The following QTGAL variants were observed in gnomAD, a reference collection of about 807,000 sequenced individuals.
QTGAL encodes queuosine-tRNA galactosyltransferase, also known as BGnT-like protein 1.
chr17:82,995,539 C>A, the QTGAL span, among the ~76,000 whole-genome samples: 1 of 152,038 alleles, frequency 6.6e-6, no homozygotes, highest in Admixed American at 6.6e-5. Flanking sequence ...TGTGCCACCA[C>A]GCCTGGCTAA....
chr17:82,985,053 C>T, the QTGAL span, among the ~76,000 whole-genome samples: 2 of 152,328 alleles, frequency 1.3e-5, no homozygotes, highest in African/African-American at 4.8e-5. Flanking sequence ...GGAGATGCAG[C>T]CCCCTGGGGA....
At chr17:83,005,935 T>C in the QTGAL span, 16 of 1,235,592 alleles carry the variant, frequency 1.3e-5, no homozygotes, top group Non-Finnish European at 1.6e-5. The surrounding 1 kb of genome is among the most constrained non-coding windows in gnomAD (Gnocchi z 5.6). Flanking sequence ...GTTCTGCTCC[T>C]GAGATCCAGA....
the QTGAL span, chr17:82,957,568 T>C: frequency 6.7e-7 from 1 of 1,501,646 alleles, no homozygotes; most frequent in Non-Finnish European, 9.0e-7. Flanking sequence ...TACAGGGACA[T>C]GATGTGTGCT....
At chr17:83,044,403 T>C in the QTGAL span, among the ~76,000 whole-genome samples, 1 of 152,164 alleles carries the variant, frequency 6.6e-6, no homozygotes, top group Non-Finnish European at 1.5e-5. Flanking sequence ...CATCTCAAAT[T>C]GGTGTCAAAA....
At chr17:82,953,020 A>C in the QTGAL span, among the ~76,000 whole-genome samples, 1 of 152,234 alleles carries the variant, frequency 6.6e-6, no homozygotes, top group African/African-American at 2.4e-5. Context: ...AACGTACCAG[A>C]ATCCCTGGGA....
chr17:83,048,703 G>A, the QTGAL span: 333 of 1,614,052 alleles, frequency 2.1e-4, 2 homozygotes, highest in Non-Finnish European at 1.7e-4. Flanking sequence ...CAGCTCCATG[G>A]TACCTTCAAA....
the QTGAL span, among the ~76,000 whole-genome samples, chr17:82,991,451 C>T: frequency 3.3e-4 from 51 of 152,274 alleles, no homozygotes; most frequent in Middle Eastern, 3.4e-3. Flanking sequence ...CTTTGCCTGT[C>T]GCCATCCACG....
chr17:83,033,778 TC>T, the QTGAL span, among the ~76,000 whole-genome samples: 1 of 151,732 alleles, frequency 6.6e-6, no homozygotes, highest in African/African-American at 2.4e-5. Flanking sequence ...GCCTAAGTTA[TC>T]TACATTTTTA....
chr17:82,969,479 G>C, the QTGAL span, among the ~76,000 whole-genome samples: 59 of 152,130 alleles, frequency 3.9e-4, 1 homozygote, highest in East Asian at 9.0e-3. Context: ...AAAGTGCTGG[G>C]ATTACAGGCG....
At chr17:83,005,640 C>A in the QTGAL span, 3 of 703,426 alleles carry the variant, frequency 4.3e-6, no homozygotes, top group East Asian at 5.4e-5. The surrounding 1 kb of genome is among the most constrained non-coding windows in gnomAD (Gnocchi z 5.6). Context: ...CCCGTCTGAA[C>A]CTGCTCCATT....
chr17:82,971,151 C>A, the QTGAL span, among the ~76,000 whole-genome samples: 4 of 152,208 alleles, frequency 2.6e-5, no homozygotes, highest in African/African-American at 9.6e-5. Context: ...TTCACGGGGA[C>A]AAACCACATC....
At chr17:83,039,482 G>A in the QTGAL span, among the ~76,000 whole-genome samples, 14 of 116,770 alleles carry the variant, frequency 1.2e-4, no homozygotes, top group East Asian at 2.5e-4. Context: ...GGCGCCCGCC[G>A]CCCGCCCCTG....
the QTGAL span, among the ~76,000 whole-genome samples, chr17:83,016,614 G>C: frequency 6.8e-6 from 1 of 146,976 alleles, no homozygotes; most frequent in African/African-American, 2.5e-5. Context: ...TGAAGAGGAG[G>C]GGGGAGGAGG....
At chr17:82,945,930 T>C in the QTGAL span, 1 of 152,240 alleles carries the variant, frequency 6.6e-6, no homozygotes, top group Non-Finnish European at 1.5e-5. Context: ...ATGGCTTATA[T>C]GTGGATTTTT....
At chr17:83,005,452 T>C in the QTGAL span, 48 of 632,538 alleles carry the variant, frequency 7.6e-5, no homozygotes, top group Admixed American at 1.8e-4. This position sits in a 1 kb window ranked among gnomAD's most constrained non-coding sequence, Gnocchi z 5.6. Flanking sequence ...TGGACGCGCA[T>C]CTCGGCGGTG....
the QTGAL span, among the ~76,000 whole-genome samples, chr17:83,024,507 G>A: frequency 1.2e-4 from 19 of 152,360 alleles, no homozygotes; most frequent in Middle Eastern, 3.4e-3. Context: ...GGTGGGTTGC[G>A]TGTGGGGCCT....
the QTGAL span, among the ~76,000 whole-genome samples, chr17:83,037,761 C>T: frequency 6.6e-6 from 1 of 152,200 alleles, no homozygotes; most frequent in Non-Finnish European, 1.5e-5. The surrounding 1 kb of genome is among the most constrained non-coding windows in gnomAD (Gnocchi z 5.2). Flanking sequence ...GAAGGGTATC[C>T]GTGAGCCTGG....
chr17:83,008,749 C>G, the QTGAL span, among the ~76,000 whole-genome samples: 5 of 152,236 alleles, frequency 3.3e-5, no homozygotes, highest in African/African-American at 1.2e-4. Flanking sequence ...GAGAAAGCGC[C>G]CAGCCCGGAT....
the QTGAL span, among the ~76,000 whole-genome samples, chr17:83,000,393 T>C: frequency 6.6e-6 from 1 of 152,236 alleles, no homozygotes; most frequent in Non-Finnish European, 1.5e-5. Flanking sequence ...AGGAGGGGTT[T>C]GTAAAACATC....
Sources: allele counts gnomAD v4.1 joint callset (sites outside exome capture counted in the v4.1 genomes callset), GRCh38; gene constraint gnomAD v4.1.1; non-coding constraint Gnocchi (gnomAD v3.1); transcripts MANE v1.5; gene names NCBI Gene and HGNC (gene_info 2026-07-23, HGNC 2026-07-21).